Variants in HDAC4 observed in about 807,000 individuals in gnomAD.
The protein encoded by HDAC4 is histone deacetylase A.
In HDAC4, 16 loss-of-function variants were observed where a neutral mutation model predicts 135.1. The ratio of observed to expected loss-of-function variants is 0.12; its 90% CI spans 0.08 to 0.18. The LOEUF (loss-of-function observed/expected upper bound fraction) is 0.18, where lower values mean the gene tolerates loss of function less well. HDAC4 is among the 10% of genes least tolerant of loss of function. The pLI is 1.00. For synonymous variants in HDAC4, 685 were observed against 653.4 expected (o/e 1.05, Z -0.74); for missense variants, 1,143 against 1,511.8 (o/e 0.76, Z 4.05).
At chr2:239,380,707 T>A (rs770831505) in intron 1 of HDAC4, among the ~76,000 whole-genome samples, 2 of 152,172 alleles carry the variant, frequency 1.3e-5, no homozygotes, top group African/African-American at 4.8e-5. Context: ...CTTACCACAA[T>A]TGAAAATTTT....
rs904819915 is a variant in HDAC4, at chr2:239,387,357, C to T, written c.-220+13621G>A. Among the ~76,000 whole-genome samples the T allele has an allele frequency of 4.6e-5, 7 of 152,350 alleles. No individual in the cohort carries two copies. In the South Asian group the frequency reaches 1.4e-3, roughly 32 times the overall value. Reference sequence around the variant, plus strand: ...GAGGCCACTTCCAGCCTCAGTCCCGCCGCTGCGTGCCTGGCCAGGACCACA... The same window carrying T: ...GAGGCCACTTCCAGCCTCAGTCCCGTCGCTGCGTGCCTGGCCAGGACCACA... On this transcript the variant is annotated intron_variant, in intron 1 of 26. Transcript: ENST00000543185.
rs3791371 is a variant in HDAC4, at chr2:239,082,947, C to T, written c.2533-726G>A. Among the ~76,000 whole-genome samples, 92 of 152,372 alleles carry T rather than the reference C, an allele frequency of 6.0e-4. 2 individuals are homozygous for T. The East Asian group carries it at 0.014, about 24-fold the overall frequency. ...AACAGCTGTGTGCCTGAGAAGACAG[C>T]ATGCAGCCCTGATGTTCCCAGCACG... is the stretch of plus-strand genomic sequence containing the variant. On this transcript the variant is annotated intron_variant, in intron 20 of 26. Transcript: ENST00000543185.
intron 12 of HDAC4, among the ~76,000 whole-genome samples, chr2:239,120,879 G>A (rs1436480260): frequency 6.6e-6 from 1 of 152,066 alleles, no homozygotes; most frequent in African/African-American, 2.4e-5. Context: ...GCCACTCCCA[G>A]GAAGCCAGGC....
intron 3 of HDAC4, among the ~76,000 whole-genome samples, chr2:239,221,716 T>G (rs1575447610): frequency 6.6e-6 from 1 of 152,118 alleles, no homozygotes; most frequent in Non-Finnish European, 1.5e-5. Context: ...CCTAAATGTA[T>G]GACAAACTCA....
At position 239,259,388 on chromosome 2, in the gene HDAC4, G is replaced by T. The variant is rs1212426407; in HGVS notation, c.23-22724C>A. Among the ~76,000 whole-genome samples, 3 of 152,298 alleles carry T rather than the reference G, an allele frequency of 2.0e-5. No homozygotes were observed. The East Asian group carries it at 5.8e-4, about 29-fold the overall frequency. On this transcript the variant is annotated intron_variant, in intron 2 of 26. Transcript: ENST00000543185. ...GAGCCTGGAAGGTGGAGGCTGCAGTGAGCTGAGATCACACCACTGCACTCC... is the reference window on the plus strand; with the variant it reads ...GAGCCTGGAAGGTGGAGGCTGCAGTTAGCTGAGATCACACCACTGCACTCC...
At chr2:239,166,787 G>A (rs1387152005) in intron 5 of HDAC4, among the ~76,000 whole-genome samples, 1 of 152,178 alleles carries the variant, frequency 6.6e-6, no homozygotes, top group African/African-American at 2.4e-5. Context: ...CCGGGCGGTG[G>A]GGAAGATAAG....
chr2:239,119,766 C>T (rs72998201), intron 12 of HDAC4, among the ~76,000 whole-genome samples: 2,948 of 152,248 alleles, frequency 0.019, 49 homozygotes, highest in Non-Finnish European at 0.027. Context: ...GGAGAGGCTG[C>T]GGGTCTCTCC....
In HDAC4 at chr2:239,051,631, G is replaced by A. The variant is rs1160675052; in HGVS notation, c.*1466C>T. On this transcript the variant is annotated 3_prime_UTR_variant, in exon 27 of 27. Coordinates refer to ENST00000543185, the MANE Select transcript of HDAC4 (RefSeq NM_001378414.1). The stretch of plus-strand genomic sequence containing the variant: ...TAGGTACATATGTGCATGAAGGCTT[G>A]GAGACGGGAGCGGTTCTGTTAGAAA... The A allele has an allele frequency of 6.6e-6, 1 of 152,606 alleles. No homozygotes were observed. 9.5% of individuals were successfully genotyped at this position (152,606 alleles called of 1,614,324 possible).
chr2:239,393,919 A>G (rs1696389929), intron 1 of HDAC4, among the ~76,000 whole-genome samples: 1 of 152,162 alleles, frequency 6.6e-6, no homozygotes. Flanking sequence ...TTGCAAAATA[A>G]TAACTAATCA....
chr2:239,333,178 C>G (rs1298391312), intron 2 of HDAC4, among the ~76,000 whole-genome samples: 1 of 152,056 alleles, frequency 6.6e-6, no homozygotes, highest in East Asian at 1.9e-4. Context: ...CAGGTGTCAG[C>G]AAACTATGGC....
At chr2:239,213,798 A>C (rs2046470413) in intron 3 of HDAC4, among the ~76,000 whole-genome samples, 1 of 152,238 alleles carries the variant, frequency 6.6e-6, no homozygotes, top group Non-Finnish European at 1.5e-5. Context: ...AGCTCCCTGG[A>C]GCGCTTGCAG....
At chr2:239,257,233 A>AC (rs969159929) in intron 2 of HDAC4, among the ~76,000 whole-genome samples, 4 of 150,354 alleles carry the variant, frequency 2.7e-5, no homozygotes, top group African/African-American at 9.7e-5. Context: ...TTCAAAAAAC[A>AC]CAAGTGCAAA....
At chr2:239,178,842 T>C (rs2043946341) in intron 4 of HDAC4, among the ~76,000 whole-genome samples, 1 of 152,010 alleles carries the variant, frequency 6.6e-6, no homozygotes, top group Non-Finnish European at 1.5e-5. Context: ...GGCTCCAGAG[T>C]GGGGCTTCCA....
At chr2:239,214,799 C>T (rs1405867007) in intron 3 of HDAC4, among the ~76,000 whole-genome samples, 1 of 152,268 alleles carries the variant, frequency 6.6e-6, no homozygotes, top group Non-Finnish European at 1.5e-5. Flanking sequence ...TCCCTCTGCA[C>T]ACACTTTAAT....
At chr2:239,054,458 C>T (rs1306149447) in intron 25 of HDAC4, among the ~76,000 whole-genome samples, 1 of 152,056 alleles carries the variant, frequency 6.6e-6, no homozygotes, top group Non-Finnish European at 1.5e-5. Flanking sequence ...TAGCTGGGGA[C>T]CTAGAGCAAG....
intron 17 of HDAC4, among the ~76,000 whole-genome samples, chr2:239,092,816 G>A (rs562187916): frequency 7.2e-5 from 11 of 152,288 alleles, no homozygotes; most frequent in African/African-American, 2.6e-4. Flanking sequence ...GCTAATGCAG[G>A]AAGGAGCAAA....
chr2:239,248,898 T>C (rs1470220449), intron 2 of HDAC4, among the ~76,000 whole-genome samples: 1 of 152,238 alleles, frequency 6.6e-6, no homozygotes. Context: ...CAAGTTTTCC[T>C]GAACTAGCGA....
At chr2:239,064,945 T>G (rs905725158) in intron 24 of HDAC4, among the ~76,000 whole-genome samples, 1 of 152,164 alleles carries the variant, frequency 6.6e-6, no homozygotes, top group East Asian at 1.9e-4. Flanking sequence ...TCCAGAACAA[T>G]GCGAACGATG....
At chr2:239,233,729 A>G (rs1304463383) in intron 3 of HDAC4, among the ~76,000 whole-genome samples, 8 of 152,216 alleles carry the variant, frequency 5.3e-5, no homozygotes, top group African/African-American at 1.9e-4. Flanking sequence ...AATGGTCAGG[A>G]AACAGGACAG....
Sources: gnomAD v4.1 joint callset for allele counts (sites outside exome capture counted in the v4.1 genomes callset) on GRCh38, gnomAD v4.1.1 for gene constraint, MANE v1.5 for transcripts, NCBI Gene and HGNC (gene_info 2026-07-23, HGNC 2026-07-21) for gene names.